SRSF4: variants seen among roughly 807,000 people sequenced by gnomAD.
SRSF4 encodes the protein serine and arginine rich splicing factor 4.
Under a neutral mutation model 48.8 loss-of-function variants are expected in SRSF4, and 12 were observed. The ratio of observed to expected loss-of-function variants is 0.25; its 90% CI spans 0.16 to 0.40. The LOEUF (loss-of-function observed/expected upper bound fraction) is 0.40, where lower values mean the gene tolerates loss of function less well. Among genes scored for constraint, SRSF4 ranks in the 10% least tolerant of loss-of-function variants. The pLI, the probability that SRSF4 is intolerant of heterozygous loss-of-function variation, is 1.00. For missense variants in SRSF4, 466 were observed against 667.1 expected (o/e 0.70, Z 3.32); for synonymous variants, 248 against 232.5 (o/e 1.07, Z -0.61).
chr1:29,156,943 T>G (rs1672509898), intron 3 of SRSF4, among the ~76,000 whole-genome samples: 1 of 152,060 alleles, frequency 6.6e-6, no homozygotes, highest in African/African-American at 2.4e-5. Flanking sequence ...GACGAAACGG[T>G]GAAAGGCAGG....
Position 29,174,971 on chromosome 1 carries a change from C to T in SRSF4, c.107+6675G>A, listed in dbSNP as rs552839661. Among the ~76,000 whole-genome samples the T allele has an allele frequency of 9.5e-4, 137 of 144,432 alleles. 1 individual carries two copies. Among genetic ancestry groups the T allele is most frequent in the South Asian group, 2.3e-3 (10 of 4,422 alleles). 94.8% of individuals were successfully genotyped at this position (144,432 alleles called of 152,430 possible). A position where few individuals can be genotyped will look rare whatever the true frequency, so the allele number is the denominator to read the frequency against. Reference sequence around the variant, plus strand: ...ATAGGCGTGAGCCACCACAACTGGCCGGTGGGTTTTTTAATTAAAAAAAAA... The same window carrying T: ...ATAGGCGTGAGCCACCACAACTGGCTGGTGGGTTTTTTAATTAAAAAAAAA... On this transcript the variant is annotated intron_variant, in intron 1 of 5. Coordinates refer to ENST00000373795, the MANE Select transcript of SRSF4 (RefSeq NM_005626.5).
chr1:29,174,996 AAAAAAG>A (rs1188985914), intron 1 of SRSF4, among the ~76,000 whole-genome samples: 1 of 151,022 alleles, frequency 6.6e-6, no homozygotes, highest in Non-Finnish European at 1.5e-5. Context: ...TTAAAAAAAA[AAAAAAG>A]AAAAGAAGAG....
chr1:29,159,267 A>G (rs1362299595), intron 3 of SRSF4, 107 bp downstream of exon 3: 1 of 666,834 alleles, frequency 1.5e-6, no homozygotes, highest in East Asian at 2.7e-5. Flanking sequence ...CAGGCTTTCA[A>G]ACATATAACA....
At position 29,148,466 on chromosome 1, in the gene SRSF4, T is replaced by C; in HGVS notation, c.1429A>G (p.Arg477Gly). ...CGGGAGGGCGATCTGGAAGCAGACCTGGATCTAGACTTGGACCGAGATCGG... is the reference window on the plus strand; with the variant it reads ...CGGGAGGGCGATCTGGAAGCAGACCCGGATCTAGACTTGGACCGAGATCGG... The part of the protein sequence containing the change: ...KTRSRSKSRS[R>G]SASRSPSRSR... Residue 477 changes from arginine to glycine, a missense_variant, in exon 6 of 6, where the codon AGG becomes GGG. Transcript: ENST00000373795. The C allele has an allele frequency of 1.2e-6, 2 of 1,613,516 alleles. No individual in the cohort carries two copies. Among genetic ancestry groups the C allele is most frequent in the South Asian group, 1.1e-5 (1 of 90,956 alleles).
intron 2 of SRSF4, 94 bp from the exon 3 acceptor site, chr1:29,159,580 C>A (rs1405076860): frequency 4.1e-6 from 3 of 727,976 alleles, no homozygotes; most frequent in South Asian, 1.9e-5. Context: ...ATTATTTACC[C>A]CCACCCCAAA....
chr1:29,171,303 A>G (rs1672741468), intron 1 of SRSF4: 1 of 151,460 alleles, frequency 6.6e-6, no homozygotes, highest in African/African-American at 2.4e-5. Context: ...AAGGCTGAAC[A>G]AGCCCGGAAA....
chr1:29,160,659 G>T (rs1672581692), intron 1 of SRSF4, 142 bp from the exon 2 acceptor site: 3 of 887,290 alleles, frequency 3.4e-6, no homozygotes, highest in African/African-American at 1.8e-5. Context: ...CTTCTCTTCA[G>T]GTGAAACCAC....
rs1672362648 is a variant in SRSF4, at chr1:29,149,187, G to A, written c.708C>T (p.Ser236=). The A allele has an allele frequency of 6.2e-7, 1 of 1,609,314 alleles. No homozygotes were observed. Among genetic ancestry groups the A allele is most frequent in the Non-Finnish European group, 8.5e-7 (1 of 1,179,306 alleles). ...SRSRSKSRSR[S]QSRSRSKKEK... ...CTTTCTTGCTCCGGCTCCGACTCTG[G>A]CTCCGGCTCCGGCTCTTGCTCCGGG... is the stretch of plus-strand genomic sequence containing the variant. The change falls in exon 6 of 6, where the codon AGC becomes AGT. Residue 236 remains serine (S), a synonymous_variant. Coordinates refer to ENST00000373795, the MANE Select transcript of SRSF4 (RefSeq NM_005626.5).
At chr1:29,155,024 T>G (rs1055958906) in intron 3 of SRSF4, 114 bp from the exon 4 acceptor site, 3 of 964,674 alleles carry the variant, frequency 3.1e-6, no homozygotes, top group Non-Finnish European at 3.0e-6. Context: ...AGAATAAAGT[T>G]TACTCTTAAA....
chr1:29,161,993 C>CAACA (rs1229693296), intron 1 of SRSF4, among the ~76,000 whole-genome samples: 4 of 152,182 alleles, frequency 2.6e-5, no homozygotes, highest in Non-Finnish European at 5.9e-5. Context: ...TCCTTTCATA[C>CAACA]AACAGTCTCT....
chr1:29,150,321 A>C (rs1672389816), intron 4 of SRSF4, 129 bp from the exon 5 acceptor site: 1 of 385,588 alleles, frequency 2.6e-6, no homozygotes, highest in African/African-American at 2.2e-5. Flanking sequence ...CTGGAGTGCA[A>C]TGGCGCGATC....
chr1:29,154,385 T>TG (rs764537445), intron 4 of SRSF4: 3 of 273,200 alleles, frequency 1.1e-5, no homozygotes, highest in Non-Finnish European at 2.1e-5. Context: ...TTAGTACAGA[T>TG]GGGGTTTCAC....
Position 29,155,202 on chromosome 1 carries a change from G to A in SRSF4, c.364-292C>T, listed in dbSNP as rs185313746. Among the ~76,000 whole-genome samples the A allele has an allele frequency of 3.0e-3, 461 of 152,178 alleles. 3 individuals are homozygous for A. Among genetic ancestry groups the A allele is most frequent in the African/African-American group, 0.011 (436 of 41,516 alleles). On this transcript the variant is annotated intron_variant, in intron 3 of 5. Transcript: ENST00000373795. The stretch of plus-strand genomic sequence containing the variant: ...TCCCAGCACTTTGACAAGCTGAGGC[G>A]GGAGGATTGCTTGATCCCAGGAATT...
intron 1 of SRSF4, among the ~76,000 whole-genome samples, chr1:29,167,726 AC>A (rs772023352): frequency 1.4e-4 from 21 of 152,158 alleles, no homozygotes; most frequent in Non-Finnish European, 2.4e-4. Context: ...CTTTGTGCTT[AC>A]CTTCTCTTTT....
rs1558385674 is a variant in SRSF4, at chr1:29,149,127, G to A, written c.768C>T (p.Arg256=). 1.2e-6 allele frequency: 2 copies of A among 1,610,302 alleles called. No homozygotes were observed. Among genetic ancestry groups the A allele is most frequent in the South Asian group, 2.2e-5 (2 of 90,862 alleles). Residue 256 remains arginine, a synonymous_variant, in exon 6 of 6, where the codon CGC becomes CGT. Transcript: ENST00000373795. ...TCTTGCCAGCGCTATGGCTGCGGCT[G>A]CGGCTCTTTTCCTTGCTGGGGCTCC... ...KSRSPSKEKS[R]SRSHSAGKSR... is the part of the protein sequence containing the mutation.
intron 1 of SRSF4, among the ~76,000 whole-genome samples, chr1:29,162,125 G>A (rs1405133908): frequency 1.3e-5 from 2 of 152,052 alleles, no homozygotes; most frequent in African/African-American, 4.8e-5. Flanking sequence ...AGACACACCC[G>A]GTTATTTAAC....
At chr1:29,166,575 A>G (rs1440383594) in intron 1 of SRSF4, among the ~76,000 whole-genome samples, 1 of 152,168 alleles carries the variant, frequency 6.6e-6, no homozygotes, top group African/African-American at 2.4e-5. Context: ...GTTGTTTACA[A>G]CCCACAACTA....
At chr1:29,171,154 C>T (rs1672739747) in intron 1 of SRSF4, 1 of 151,992 alleles carries the variant, frequency 6.6e-6, no homozygotes, top group Non-Finnish European at 1.5e-5. Flanking sequence ...AAGCTGATAC[C>T]ACCTTACAGC....
rs768178767 is a variant in SRSF4 at position 29,150,100 on chromosome 1, T to C, written c.668+3A>G. On this transcript the variant is annotated splice_donor_region_variant and intron_variant, in intron 5 of 5. Coordinates refer to ENST00000373795, the MANE Select transcript of SRSF4 (RefSeq NM_005626.5). ...ACCTCTACTTATAACATGGAAGACA[T>C]ACCTGGACCGAGATCTACTCTTAGA... The C allele has an allele frequency of 6.4e-7, 1 of 1,567,920 alleles. No homozygotes were observed. The highest frequency in any genetic ancestry group is 8.6e-7 in the Non-Finnish European group (1 of 1,157,974).
Sources: allele counts gnomAD v4.1 joint callset (sites outside exome capture counted in the v4.1 genomes callset), GRCh38; gene constraint gnomAD v4.1.1; transcripts MANE v1.5; gene names NCBI Gene and HGNC (gene_info 2026-07-23, HGNC 2026-07-21).